The following MKLN1 variants were observed in gnomAD, a reference collection of about 807,000 sequenced individuals.
MKLN1 encodes muskelin 1.
A neutral mutation model predicts 99.0 loss-of-function variants in MKLN1; 18 were observed. The observed-to-expected ratio is 0.18, with a 90% CI of 0.13 to 0.27. The LOEUF is 0.27. Ranked by LOEUF, MKLN1 falls within the 10% of genes least tolerant of loss-of-function variation. The pLI, the probability that MKLN1 is intolerant of heterozygous loss-of-function variation, is 1.00. For synonymous variants in MKLN1, 288 were observed against 293.2 expected, an observed-to-expected ratio of 0.98 and a Z score of 0.18; for missense variants, 621 against 875.9, an observed-to-expected ratio of 0.71 and a Z score of 3.67.
chr7:131,140,774 C>CTTTTTTTTTT (rs35228515), intron 1 of MKLN1, among the ~76,000 whole-genome samples: 1 of 146,902 alleles, frequency 6.8e-6, no homozygotes. Context: ...ACACACCATC[C>CTTTTTTTTTT]TTTTTTTTTT....
intron 1 of MKLN1, among the ~76,000 whole-genome samples, chr7:131,344,864 C>T (rs555732210): frequency 1.3e-5 from 2 of 152,120 alleles, no homozygotes; most frequent in African/African-American, 4.8e-5. Context: ...TGCAGTGGCG[C>T]CATCTTGGCT....
chr7:131,277,831 C>T (rs920290359), intron 3 of MKLN1, among the ~76,000 whole-genome samples: 2 of 152,116 alleles, frequency 1.3e-5, no homozygotes, highest in African/African-American at 4.8e-5. Context: ...CCCAGTTACA[C>T]TGATTTGATC....
chr7:131,412,684 T>G (rs772985745), intron 7 of MKLN1, among the ~76,000 whole-genome samples: 1 of 152,216 alleles, frequency 6.6e-6, no homozygotes, highest in African/African-American at 2.4e-5. Context: ...TTTTGTCACT[T>G]CTTCATCTGT....
chr7:131,428,966 G>T, intron 8 of MKLN1, 67 bp from the exon 9 acceptor site: 6 of 1,252,718 alleles, frequency 4.8e-6, no homozygotes, highest in Middle Eastern at 1.9e-4. Flanking sequence ...GAAACAGCTG[G>T]CTAGGTTTGG....
At chr7:131,351,861 T>C (rs1799729784) in intron 1 of MKLN1, among the ~76,000 whole-genome samples, 1 of 152,232 alleles carries the variant, frequency 6.6e-6, no homozygotes, top group Admixed American at 6.5e-5. Flanking sequence ...TATCCAAAGA[T>C]AACTCATTGT....
rs530491064 is a variant in MKLN1 at position 131,410,619 on chromosome 7, A to C, written c.704-687A>C. 5.4e-4 allele frequency among the ~76,000 whole-genome samples: 82 copies of C among 152,260 alleles called. 1 individual carries two copies. The highest frequency in any genetic ancestry group is 1.7e-3 in the African/African-American group (69 of 41,576). On this transcript the variant is annotated intron_variant, in intron 6 of 17. Coordinates refer to ENST00000352689, the MANE Select transcript of MKLN1 (RefSeq NM_013255.5). ...AGTTCTCTTGGATATGGGTGGCAAAAAGTACTGGCACAAAGCACTGTTGGG... is the reference window on the plus strand; with the variant it reads ...AGTTCTCTTGGATATGGGTGGCAAACAGTACTGGCACAAAGCACTGTTGGG...
intron 8 of MKLN1, among the ~76,000 whole-genome samples, chr7:131,415,110 G>T (rs1584717110): frequency 1.3e-5 from 2 of 151,042 alleles, no homozygotes; most frequent in African/African-American, 2.4e-5. Flanking sequence ...TTTTTTGTTT[G>T]GTTTTGTTTT....
chr7:131,297,382 A>ATG (rs199551237), intron 3 of MKLN1, among the ~76,000 whole-genome samples: 7 of 147,408 alleles, frequency 4.7e-5, no homozygotes, highest in Non-Finnish European at 1.0e-4. Context: ...ATATATATAT[A>ATG]TGTGTGTGTG....
intron 2 of MKLN1, among the ~76,000 whole-genome samples, chr7:131,198,431 A>T (rs1359962608): frequency 6.6e-6 from 1 of 152,236 alleles, no homozygotes; most frequent in Non-Finnish European, 1.5e-5. Flanking sequence ...TAAATTTTGC[A>T]TATGATGGTA....
intron 3 of MKLN1, among the ~76,000 whole-genome samples, chr7:131,266,468 A>G (rs959970863): frequency 6.6e-6 from 1 of 152,202 alleles, no homozygotes; most frequent in South Asian, 2.1e-4. Flanking sequence ...TTTTCTTTGT[A>G]AATGTAATTT....
At chr7:131,208,031 G>A (rs1464427620) in intron 3 of MKLN1, among the ~76,000 whole-genome samples, 1 of 152,118 alleles carries the variant, frequency 6.6e-6, no homozygotes, top group Non-Finnish European at 1.5e-5. Context: ...TTTCCCAGAT[G>A]TTTCTTTTCA....
At chr7:131,481,125 A>G (rs1436040593) in intron 17 of MKLN1, among the ~76,000 whole-genome samples, 2 of 152,164 alleles carry the variant, frequency 1.3e-5, no homozygotes, top group Non-Finnish European at 2.9e-5. Flanking sequence ...TTCCTGTGGG[A>G]TGTTGTTTCC....
At chr7:131,275,047 T>C (rs1028272968) in intron 3 of MKLN1, among the ~76,000 whole-genome samples, 2 of 152,180 alleles carry the variant, frequency 1.3e-5, no homozygotes, top group Non-Finnish European at 2.9e-5. Flanking sequence ...AATATCACCT[T>C]TGTCTTAGTC....
At position 131,192,134 on chromosome 7, in the gene MKLN1, A is replaced by AAT. The variant is rs1264221307; in HGVS notation, c.-296-10715_-296-10714dup. Among the ~76,000 whole-genome samples, 3 of 91,224 alleles carry AAT rather than the reference A, an allele frequency of 3.3e-5. 1 individual carries two copies. Among genetic ancestry groups the AAT allele is most frequent in the East Asian group, 4.6e-4 (2 of 4,352 alleles). The allele number at this position is 91,224 out of a possible 152,430, so 59.8% of individuals were successfully genotyped here. A position where few individuals can be genotyped will look rare whatever the true frequency, so the allele number is the denominator to read the frequency against. ...TTATATATATACGTATATATATAAAAATATATATACGTATATATACATATA... is the reference window on the plus strand; with the variant it reads ...TTATATATATACGTATATATATAAAAATATATATATACGTATATATACATATA... On this transcript the variant is annotated intron_variant, in intron 2 of 7. Transcript: ENST00000416992.
chr7:131,347,614 C>A (rs2116750693), intron 1 of MKLN1, among the ~76,000 whole-genome samples: 1 of 152,096 alleles, frequency 6.6e-6, no homozygotes, highest in East Asian at 1.9e-4. Flanking sequence ...AATCCATTTT[C>A]AAAGAGGAGA....
At chr7:131,260,336 A>G (rs955969440) in intron 3 of MKLN1, among the ~76,000 whole-genome samples, 4 of 152,180 alleles carry the variant, frequency 2.6e-5, no homozygotes, top group African/African-American at 9.7e-5. Flanking sequence ...TTATATTCCA[A>G]CATCCAAGCT....
At chr7:131,225,787 C>T (rs1055873729) in intron 3 of MKLN1, among the ~76,000 whole-genome samples, 5 of 152,214 alleles carry the variant, frequency 3.3e-5, no homozygotes, top group South Asian at 2.1e-4. Flanking sequence ...TCGAGGAAGA[C>T]GGCCTGTGTC....
At chr7:131,221,976 G>A (rs1196428584) in intron 3 of MKLN1, among the ~76,000 whole-genome samples, 3 of 151,822 alleles carry the variant, frequency 2.0e-5, no homozygotes, top group African/African-American at 7.3e-5. Context: ...TGTGATCTCG[G>A]CTCACTGCAA....
chr7:131,220,962 A>G (rs77113380), intron 3 of MKLN1, among the ~76,000 whole-genome samples: 4,976 of 152,310 alleles, frequency 0.033, 248 homozygotes, highest in East Asian at 0.16. Flanking sequence ...ATTTCTGTCC[A>G]GAACCTGGCA....
Sources: allele counts gnomAD v4.1 joint callset (sites outside exome capture counted in the v4.1 genomes callset), GRCh38; gene constraint gnomAD v4.1.1; transcripts MANE v1.5; gene names NCBI Gene and HGNC (gene_info 2026-07-23, HGNC 2026-07-21).